Variants in SGCZ observed in about 807,000 individuals in gnomAD.
SGCZ encodes the protein zeta-sarcoglycan.
Under a neutral mutation model 41.3 loss-of-function variants are expected in SGCZ, and 40 were observed. That is an observed-to-expected ratio of 0.97 (90% CI 0.75 to 1.26). The LOEUF (loss-of-function observed/expected upper bound fraction) is 1.26, where lower values mean the gene tolerates loss of function less well. Among genes scored for constraint, SGCZ ranks in the 50% most tolerant of loss-of-function variants. The pLI, the probability that SGCZ is intolerant of heterozygous loss-of-function variation, is 0.00. For synonymous variants in SGCZ, 206 were observed against 137.5 expected (o/e 1.50, Z -3.49); for missense variants, 552 against 369.8 (o/e 1.49, Z -4.04).
At chr8:14,158,894 G>T (rs1205338464) in intron 5 of SGCZ, among the ~76,000 whole-genome samples, 2 of 151,834 alleles carry the variant, frequency 1.3e-5, no homozygotes, top group African/African-American at 4.8e-5. Flanking sequence ...TCAGCCTCTC[G>T]AGTAGCTGGG....
At chr8:14,355,155 A>C (rs539944729) in intron 2 of SGCZ, among the ~76,000 whole-genome samples, 27 of 152,124 alleles carry the variant, frequency 1.8e-4, no homozygotes, top group African/African-American at 6.3e-4. Flanking sequence ...CATTTTGTTC[A>C]TTCCCAAAGT....
At chr8:14,933,803 A>G (rs1799998657) in intron 1 of SGCZ, among the ~76,000 whole-genome samples, 1 of 152,050 alleles carries the variant, frequency 6.6e-6, no homozygotes, top group Non-Finnish European at 1.5e-5. Context: ...GCCAATAGCT[A>G]TGGCTAATAT....
In SGCZ at chr8:14,087,226, ATAAG is replaced by A. The variant is rs756412709; in HGVS notation, c.*3213_*3216del. ...ATGTGTGTATGTGTGTGTATGACTAATAAGTAAGTACCGGATAGAAATTTTGGAA... is the reference window on the plus strand; with the variant it reads ...ATGTGTGTATGTGTGTGTATGACTAATAAGTACCGGATAGAAATTTTGGAA... On this transcript the variant is annotated 3_prime_UTR_variant, in exon 8 of 8. Transcript: ENST00000382080. 1.3e-5 allele frequency among the ~76,000 whole-genome samples: 2 copies of A among 151,708 alleles called. No individual in the cohort carries two copies. The highest frequency in any genetic ancestry group is 2.4e-5 in the African/African-American group (1 of 41,394).
chr8:14,190,014 C>CTTTTTTTTTT (rs71304966), intron 4 of SGCZ, among the ~76,000 whole-genome samples: 89 of 100,180 alleles, frequency 8.9e-4, no homozygotes, highest in East Asian at 2.0e-3. Context: ...TTCTTTCTTT[C>CTTTTTTTTTT]TTTTTTTTTT....
chr8:14,321,138 G>A (rs180995031), intron 3 of SGCZ, among the ~76,000 whole-genome samples: 7 of 151,956 alleles, frequency 4.6e-5, no homozygotes, highest in Non-Finnish European at 8.8e-5. Flanking sequence ...CACATCTTTT[G>A]TATTGTTCTT....
intron 1 of SGCZ, among the ~76,000 whole-genome samples, chr8:14,789,312 C>T (rs530692874): frequency 8.5e-5 from 13 of 152,122 alleles, no homozygotes; most frequent in Non-Finnish European, 1.8e-4. Context: ...CTCATTCAAC[C>T]TCATCTGGGA....
intron 3 of SGCZ, among the ~76,000 whole-genome samples, chr8:14,278,800 G>A (rs1250880485): frequency 6.6e-6 from 1 of 152,036 alleles, no homozygotes; most frequent in Non-Finnish European, 1.5e-5. Flanking sequence ...ATTCTTCTAT[G>A]ATCTACCTCT....
intron 1 of SGCZ, among the ~76,000 whole-genome samples, chr8:15,017,742 G>A (rs1803092788): frequency 1.3e-5 from 2 of 152,282 alleles, no homozygotes; most frequent in South Asian, 4.1e-4. Context: ...CTGGGCTCAA[G>A]TGATCTGCCT....
chr8:14,755,569 G>A (rs745633819), intron 1 of SGCZ, among the ~76,000 whole-genome samples: 3 of 152,152 alleles, frequency 2.0e-5, no homozygotes, highest in Non-Finnish European at 2.9e-5. Context: ...ATTTCTGTGA[G>A]TAATGACCTT....
intron 4 of SGCZ, among the ~76,000 whole-genome samples, chr8:14,225,084 T>G (rs1161129392): frequency 6.6e-6 from 1 of 152,180 alleles, no homozygotes; most frequent in East Asian, 1.9e-4. Context: ...GAATCATAAA[T>G]TTATTCAATG....
intron 2 of SGCZ, among the ~76,000 whole-genome samples, chr8:14,357,592 G>A (rs907134828): frequency 1.3e-5 from 2 of 152,128 alleles, no homozygotes; most frequent in Admixed American, 6.6e-5. Context: ...CTACCTCCAC[G>A]TAATAATAAC....
chr8:15,164,595 T>C (rs1170990683), intron 1 of SGCZ, among the ~76,000 whole-genome samples: 1 of 152,030 alleles, frequency 6.6e-6, no homozygotes, highest in African/African-American at 2.4e-5. Flanking sequence ...AACTTTTTTT[T>C]TTTTTCCTCT....
intron 2 of SGCZ, among the ~76,000 whole-genome samples, chr8:14,504,251 T>C (rs547818385): frequency 1.3e-5 from 2 of 152,340 alleles, no homozygotes; most frequent in Admixed American, 1.3e-4. Context: ...CATTCTGTTT[T>C]TAAAGTATAA....
chr8:14,927,954 G>T (rs992680943), intron 1 of SGCZ, among the ~76,000 whole-genome samples: 1 of 152,214 alleles, frequency 6.6e-6, no homozygotes, highest in Non-Finnish European at 1.5e-5. Context: ...CAAGAACCTG[G>T]ATGTCACTAA....
rs150808769 is a variant in SGCZ, at chr8:15,225,947, T to C, written c.39+11638A>G. 4.3e-3 allele frequency among the ~76,000 whole-genome samples: 649 copies of C among 152,190 alleles called. 4 individuals carry two copies. The highest frequency in any genetic ancestry group is 0.015 in the African/African-American group (627 of 41,552). ...CCATGCCTGCTTTGATCTATGCACA[T>C]CTACATTGCCTTACTCTTACTAGTC... On this transcript the variant is annotated intron_variant, in intron 1 of 7. Transcript: ENST00000382080.
chr8:15,217,575 C>T (rs1381936635), intron 1 of SGCZ, among the ~76,000 whole-genome samples: 1 of 151,668 alleles, frequency 6.6e-6, no homozygotes, highest in East Asian at 1.9e-4. Context: ...AAGATTCTTG[C>T]CCCCCCTTGT....
At chr8:14,465,270 T>G (rs538493545) in intron 2 of SGCZ, among the ~76,000 whole-genome samples, 5 of 151,894 alleles carry the variant, frequency 3.3e-5, no homozygotes, top group Admixed American at 6.6e-5. Flanking sequence ...TAAATGTTTA[T>G]AGTTATTAAA....
chr8:14,745,385 G>A (rs549738654), intron 1 of SGCZ, among the ~76,000 whole-genome samples: 5 of 152,174 alleles, frequency 3.3e-5, no homozygotes, highest in African/African-American at 1.2e-4. Flanking sequence ...CTGTTGCCAG[G>A]AGCCTTGTGG....
intron 1 of SGCZ, among the ~76,000 whole-genome samples, chr8:14,974,225 T>A (rs143620587): frequency 5.3e-4 from 81 of 152,332 alleles, no homozygotes; most frequent in African/African-American, 1.9e-3. Flanking sequence ...TTTATGGTAC[T>A]TTAAAAACGT....
Sources: allele counts gnomAD v4.1 joint callset (sites outside exome capture counted in the v4.1 genomes callset), GRCh38; gene constraint gnomAD v4.1.1; transcripts MANE v1.5; gene names NCBI Gene and HGNC (gene_info 2026-07-23, HGNC 2026-07-21).